The following NPC1L1 variants were observed in gnomAD, a reference collection of about 807,000 sequenced individuals.
NPC1L1 encodes NPC1-like intracellular cholesterol transporter 1.
NPC1L1 carries 98 observed loss-of-function variants against 117.0 expected under a neutral mutation model. The observed-to-expected ratio is 0.84, with a 90% CI of 0.71 to 0.99. NPC1L1 has a LOEUF of 0.99. NPC1L1 is among the 50% of genes least tolerant of loss of function. NPC1L1 has a pLI of 0.00. For synonymous variants in NPC1L1, 729 were observed against 727.6 expected, an observed-to-expected ratio of 1.00 and a Z score of -0.03; for missense variants, 1,540 against 1,710.0, an observed-to-expected ratio of 0.90 and a Z score of 1.75.
In NPC1L1 at chr7:44,538,342, G is replaced by A. The variant is rs548026491; in HGVS notation, c.1580+475C>T. ...GCCTACCCCAGGACACCCGGCCCAG[G>A]TGCCTGAGACCAGCCACGACCTCTG... On this transcript the variant is annotated intron_variant, in intron 2 of 18. Coordinates refer to ENST00000381160, the MANE Select transcript of NPC1L1 (RefSeq NM_001101648.2). The surrounding 1 kb of genome is among the most constrained non-coding windows in gnomAD (Gnocchi z 5.9). 1.3e-5 allele frequency among the ~76,000 whole-genome samples: 2 copies of A among 152,228 alleles called. No homozygotes were observed. Among genetic ancestry groups the A allele is most frequent in the Non-Finnish European group, 2.9e-5 (2 of 68,046 alleles).
In NPC1L1 at chr7:44,534,336, AAGAG is replaced by A; in HGVS notation, c.2166+107_2166+110del. 1.0e-6 allele frequency: 1 copy of A among 999,152 alleles called. No homozygotes were observed. Among genetic ancestry groups the A allele is most frequent in the Non-Finnish European group, 1.6e-6 (1 of 620,900 alleles). 61.9% of individuals were successfully genotyped at this position (999,152 alleles called of 1,614,324 possible). A position where few individuals can be genotyped will look rare whatever the true frequency, so the allele number is the denominator to read the frequency against. On this transcript the variant is annotated intron_variant, in intron 6 of 18. Coordinates refer to ENST00000381160, the MANE Select transcript of NPC1L1 (RefSeq NM_001101648.2). The surrounding 1 kb of genome is among the most constrained non-coding windows in gnomAD (Gnocchi z 5.2). ...GTAAACATGCGTGTCGATGAACAGAAAGAGTCTGCAGGGAGACCCAGCAAATTCA... is the reference window on the plus strand; with the variant it reads ...GTAAACATGCGTGTCGATGAACAGAATCTGCAGGGAGACCCAGCAAATTCA...
chr7:44,534,730 GTGCCTGCA>G lies in NPC1L1; in HGVS notation c.1984-109_1984-102del. On this transcript the variant is annotated intron_variant, in intron 5 of 18. Coordinates refer to ENST00000381160, the MANE Select transcript of NPC1L1 (RefSeq NM_001101648.2). The surrounding 1 kb of genome is among the most constrained non-coding windows in gnomAD (Gnocchi z 5.2). The stretch of plus-strand genomic sequence containing the variant: ...ACAAAGTAGCCGGCAGGCACCCTCA[GTGCCTGCA>G]GGTGCCCGATACTGCCCCCAGTGGT... The G allele has an allele frequency of 2.5e-6, 3 of 1,186,096 alleles. No homozygotes were observed. The highest frequency in any genetic ancestry group is 1.5e-5 in the African/African-American group (1 of 66,464). The allele number at this position is 1,186,096 out of a possible 1,614,324, so 73.5% of individuals were successfully genotyped here.
rs145297799 is a variant in NPC1L1, at chr7:44,539,181, G to A, written c.1216C>T (p.Arg406Ter). 197 of 1,614,096 alleles carry A rather than the reference G, an allele frequency of 1.2e-4. No individual in the cohort carries two copies. The highest frequency in any genetic ancestry group is 1.6e-4 in the Middle Eastern group (1 of 6,062). The change falls in exon 2 of 19, where the codon CGA (arginine) becomes TGA (stop). Residue 406 changes from arginine to a stop codon, truncating the protein, a stop_gained. Transcript: ENST00000381160. LOFTEE classifies it high-confidence loss of function. The surrounding 1 kb of genome is among the most constrained non-coding windows in gnomAD (Gnocchi z 4.4). ...GCCGTCAGGATCACCTGGTTGGTTC[G>A]GAAGAAGGGGCCGAAATGCTGGTCA... ...FHDQHFGPFF[R>*]TNQVILTAPN...
In NPC1L1 at chr7:44,522,166, G is replaced by A. The variant is rs918523856; in HGVS notation, c.2714C>T (p.Thr905Ile). 1.2e-6 allele frequency: 2 copies of A among 1,613,840 alleles called. No individual in the cohort carries two copies. Among genetic ancestry groups the A allele is most frequent in the African/African-American group, 2.7e-5 (2 of 74,854 alleles). The change falls in exon 11 of 19, where the codon ACC becomes ATC. Residue 905 changes from threonine to isoleucine, a missense_variant. This residue lies in a region of NPC1L1 where 742 missense variants were observed against 873.6 expected (regional missense o/e 0.85). Coordinates refer to ENST00000381160, the MANE Select transcript of NPC1L1 (RefSeq NM_001101648.2). ...CTCGCTGGAGAAGTTGTAGCCCAAG[G>A]TGGTAACAAAGTACACCGGGGCCCC... The part of the protein sequence containing the change: ...EVGAPVYFVT[T>I]LGYNFSSEAG...
chr7:44,524,055 C>T (rs556449645), intron 10 of NPC1L1, among the ~76,000 whole-genome samples: 2 of 152,120 alleles, frequency 1.3e-5, no homozygotes, highest in African/African-American at 2.4e-5. Flanking sequence ...CACCTATCCC[C>T]GACACCTTCA....
chr7:44,533,350 G>A (rs527448114), intron 8 of NPC1L1, 81 bp downstream of exon 8: 8 of 1,575,020 alleles, frequency 5.1e-6, no homozygotes, highest in South Asian at 1.1e-5. Context: ...GGCCATCTCT[G>A]TGGTGGTAAA....
Position 44,540,329 on chromosome 7 carries a change from G to C in NPC1L1, c.68C>G (p.Pro23Arg), listed in dbSNP as rs764846508. Residue 23 changes from proline to arginine, a missense_variant, in exon 2 of 19, where the codon CCT (proline) becomes CGT (arginine). By Grantham distance (103) the Pro-to-Arg change is moderately radical. This residue lies in a region of NPC1L1 where 793 missense variants were observed against 820.4 expected (regional missense o/e 0.97). Transcript: ENST00000381160. ...GCCAGGCTGGTGGATGGTTGTGTAA[G>C]GCTCACTCTGGGCCTGCAGAGCACA... ...ALLLRLAQSE[P>R]YTTIHQPGYC... The C allele has an allele frequency of 6.2e-7, 1 of 1,612,716 alleles. No individual in the cohort carries two copies. Among genetic ancestry groups the C allele is most frequent in the Non-Finnish European group, 8.5e-7 (1 of 1,179,994 alleles).
chr7:44,536,771 C>G lies in NPC1L1; in HGVS notation c.1681+71G>C. 2 of 1,378,180 alleles carry G rather than the reference C, an allele frequency of 1.5e-6. No individual in the cohort carries two copies. The highest frequency in any genetic ancestry group is 2.1e-6 in the Non-Finnish European group (2 of 969,246). 85.4% of individuals were successfully genotyped at this position (1,378,180 alleles called of 1,614,324 possible). A position where few individuals can be genotyped will look rare whatever the true frequency, so the allele number is the denominator to read the frequency against. On this transcript the variant is annotated intron_variant, in intron 3 of 18. Coordinates refer to ENST00000381160, the MANE Select transcript of NPC1L1 (RefSeq NM_001101648.2). The surrounding 1 kb of genome is among the most constrained non-coding windows in gnomAD (Gnocchi z 4.7). ...GCGAGAATCCCCAGCACCACTCCCA[C>G]CCTCCCGTCTATGGTTCCTGCCCCA...
chr7:44,516,971 T>A (rs758372877), intron 15 of NPC1L1, 37 bp from the exon 16 acceptor site: 3 of 1,586,966 alleles, frequency 1.9e-6, no homozygotes, highest in African/African-American at 2.7e-5. Flanking sequence ...GGCTCAGGCC[T>A]CTGGGGCCCT....
chr7:44,541,076 G>A (rs1294328853), intron 1 of NPC1L1, 130 bp downstream of exon 1: 7 of 1,002,938 alleles, frequency 7.0e-6, no homozygotes, highest in Non-Finnish European at 9.0e-6. Flanking sequence ...CATGTGTCCA[G>A]AGACTTGCCC....
In NPC1L1 at chr7:44,539,928, C is replaced by A; in HGVS notation, c.469G>T (p.Glu157Ter). The A allele has an allele frequency of 6.2e-7, 1 of 1,614,202 alleles. No individual in the cohort carries two copies. The highest frequency in any genetic ancestry group is 8.5e-7 in the Non-Finnish European group (1 of 1,180,040). The change falls in exon 2 of 19, where the codon GAG becomes TAG. Residue 157 changes from glutamate to a stop codon, truncating the protein, a stop_gained. Coordinates refer to ENST00000381160, the MANE Select transcript of NPC1L1 (RefSeq NM_001101648.2). LOFTEE classifies it high-confidence loss of function. This position sits in a 1 kb window ranked among gnomAD's most constrained non-coding sequence, Gnocchi z 4.4. ...GCAAAGCTATGCTGGTAGAAGGCCT[C>A]ATAGGCCACCACAGCTGGGAGTTGT... ...AGQLPAVVAYEAFYQHSFAEQ... is the reference protein window; with the variant it reads ...AGQLPAVVAY
Position 44,534,493 on chromosome 7 carries a change from A to AGCACCAG in NPC1L1, c.2113_2119dup (p.Leu707ProfsTer8). On this transcript the variant is annotated frameshift_variant, in exon 6 of 19. Coordinates refer to ENST00000381160, the MANE Select transcript of NPC1L1 (RefSeq NM_001101648.2). LOFTEE classifies it high-confidence loss of function. This position sits in a 1 kb window ranked among gnomAD's most constrained non-coding sequence, Gnocchi z 5.2. ...GAAGATGTTATCAGCCCCCACGGAC[A>AGCACCAG]GCACCAGGAAAGGAACCACTTGCAG... 6.2e-7 allele frequency: 1 copy of AGCACCAG among 1,614,186 alleles called. No individual in the cohort carries two copies. Among genetic ancestry groups the AGCACCAG allele is most frequent in the South Asian group, 1.1e-5 (1 of 91,090 alleles).
intron 18 of NPC1L1, among the ~76,000 whole-genome samples, chr7:44,514,329 T>G (rs1399492406): frequency 6.6e-6 from 1 of 152,170 alleles, no homozygotes; most frequent in Non-Finnish European, 1.5e-5. Flanking sequence ...CCTCCCAAAG[T>G]GCTAGGATTA....
Position 44,521,078 on chromosome 7 carries a change from C to T in NPC1L1, c.2994G>A (p.Met998Ile), listed in dbSNP as rs762455465. Residue 998 changes from methionine (M) to isoleucine (I), a missense_variant, in exon 13 of 19, where the codon ATG (methionine) becomes ATA (isoleucine). By Grantham distance (10) the Met-to-Ile change is conservative. Transcript: ENST00000381160. ...GCTCCACCGAGGGCCTCACAGAGCC[C>T]ATCGTGATGCTCATGCAGTTCTTTA... ...NCLKNCMSIT[M>I]GSVRPSVEQF... The T allele has an allele frequency of 4.3e-6, 7 of 1,614,144 alleles. No homozygotes were observed. Among genetic ancestry groups the T allele is most frequent in the East Asian group, 2.2e-5 (1 of 44,878 alleles).
At position 44,536,840 on chromosome 7, in the gene NPC1L1, A is replaced by C; in HGVS notation, c.1681+2T>G. On this transcript the variant is annotated splice_donor_variant, in intron 3 of 18. Transcript: ENST00000381160. LOFTEE classifies it high-confidence loss of function. This position sits in a 1 kb window ranked among gnomAD's most constrained non-coding sequence, Gnocchi z 4.7. ...CTTCCTCTCAGGGCCCACTTAGCTT[A>C]CCTTTGTACCCCCCAATGGCAAGGA... 1.2e-6 allele frequency: 2 copies of C among 1,612,590 alleles called. No individual in the cohort carries two copies. The highest frequency in any genetic ancestry group is 1.7e-6 in the Non-Finnish European group (2 of 1,178,792).
chr7:44,515,640 ATAG>A (rs1321513472), intron 18 of NPC1L1, among the ~76,000 whole-genome samples, 160 bp downstream of exon 18: 1 of 152,202 alleles, frequency 6.6e-6, no homozygotes, highest in African/African-American at 2.4e-5. Context: ...TAAATGAATA[ATAG>A]TAGCTTCCAA....
intron 8 of NPC1L1, chr7:44,533,158 C>T: frequency 5.3e-6 from 2 of 375,868 alleles, no homozygotes; most frequent in South Asian, 4.6e-5. Context: ...AGTCGGTGCC[C>T]TAATCTCCAC....
Position 44,528,447 on chromosome 7 carries a change from G to A in NPC1L1, c.2637+3308C>T, listed in dbSNP as rs1237769183. 3.9e-5 allele frequency among the ~76,000 whole-genome samples: 6 copies of A among 152,306 alleles called. No homozygotes were observed. In the South Asian group the frequency reaches 1.0e-3, roughly 26 times the overall value. On this transcript the variant is annotated intron_variant, in intron 10 of 18. Coordinates refer to ENST00000381160, the MANE Select transcript of NPC1L1 (RefSeq NM_001101648.2). ...ACATCAATAACTGAAAGGGAGGTAA[G>A]ATGGAGTTGTTATAGGGCAGAGTTT...
rs755499322 is a variant in NPC1L1, at chr7:44,515,929, T to G, written c.3670A>C (p.Ile1224Leu). ...AGVAMTNLPGILVLGLAKAQL... is the reference protein window; with the variant it reads ...AGVAMTNLPGLLVLGLAKAQL... ...GCCTTGGCGAGGCCCAGGACAAGGA[T>G]GCCAGGCAGGTTGGTCATGGCCACA... is the stretch of plus-strand genomic sequence containing the variant. The change falls in exon 18 of 19, where the codon ATC becomes CTC. Residue 1224 changes from isoleucine to leucine, a missense_variant. By Grantham distance (5) the Ile-to-Leu change is conservative (BLOSUM62 2). Around this residue, in one of 3 missense-constraint regions of NPC1L1, gnomAD observed 742 missense variants for 873.6 expected, o/e 0.85. Transcript: ENST00000381160. The G allele has an allele frequency of 6.2e-7, 1 of 1,614,066 alleles. No individual in the cohort carries two copies. The highest frequency in any genetic ancestry group is 1.3e-5 in the African/African-American group (1 of 75,004).
Sources: allele counts gnomAD v4.1 joint callset (sites outside exome capture counted in the v4.1 genomes callset), GRCh38; gene constraint gnomAD v4.1.1; regional missense constraint gnomAD v4.1.1; non-coding constraint Gnocchi (gnomAD v3.1); transcripts MANE v1.5; gene names NCBI Gene and HGNC (gene_info 2026-07-23, HGNC 2026-07-21).